The following SQSTM1 variants were observed in gnomAD, a reference collection of about 807,000 sequenced individuals.
The protein encoded by SQSTM1 is sequestosome-1.
A neutral mutation model predicts 45.1 loss-of-function variants in SQSTM1; 36 were observed. That is an observed-to-expected ratio of 0.80 (90% CI 0.61 to 1.05). The LOEUF is 1.05. SQSTM1 is among the 50% of genes least tolerant of loss of function. SQSTM1 has a pLI of 0.00. For missense variants in SQSTM1, 617 were observed against 607.1 expected (o/e 1.02, Z -0.17); for synonymous variants, 290 against 244.3 (o/e 1.19, Z -1.74).
In SQSTM1 at chr5:179,806,559, G is replaced by A. The variant is rs542286553; in HGVS notation, c.-189G>A. ...CACAGGCAGAAGAGCAGCAGCGTCA[G>A]GAAGGTGCCATTGCGGAGCCTCATC... is the stretch of plus-strand genomic sequence containing the variant. On this transcript the variant is annotated 5_prime_UTR_variant, in exon 1 of 6. Transcript: ENST00000514093. This position sits in a 1 kb window ranked among gnomAD's most constrained non-coding sequence, Gnocchi z 4.6. 8.4e-6 allele frequency: 11 copies of A among 1,312,582 alleles called. No homozygotes were observed. The highest frequency in any genetic ancestry group is 9.1e-5 in the East Asian group (2 of 21,932). 81.3% of individuals were successfully genotyped at this position (1,312,582 alleles called of 1,614,324 possible).
At chr5:179,813,536 C>G (rs1470833641) in intron 2 of SQSTM1, 6 of 152,050 alleles carry the variant, frequency 3.9e-5, no homozygotes, top group Admixed American at 6.6e-5. Flanking sequence ...ATTTGCCACA[C>G]AAAGCCAGGA....
Position 179,837,959 on chromosome 5 carries a change from TG to T in SQSTM1, c.*1369del, listed in dbSNP as rs1168745642. ...GCCCAGGAGGACCGCCTGCCCTGCC[TG>T]GGCCTTGGCTGGGCCTCTGGTTCTG... On this transcript the variant is annotated 3_prime_UTR_variant, in exon 8 of 8. Transcript: ENST00000389805. 6.9e-7 allele frequency: 1 copy of T among 1,440,160 alleles called. No homozygotes were observed. Among genetic ancestry groups the T allele is most frequent in the Non-Finnish European group, 9.4e-7 (1 of 1,064,450 alleles). 89.2% of individuals were successfully genotyped at this position (1,440,160 alleles called of 1,614,324 possible).
At chr5:179,834,159 G>GT (rs1284323817) in intron 7 of SQSTM1, among the ~76,000 whole-genome samples, 1 of 146,470 alleles carries the variant, frequency 6.8e-6, no homozygotes, top group Non-Finnish European at 1.5e-5. Flanking sequence ...GTCTGAGAGG[G>GT]GGGGGGGTCA....
upstream of SQSTM1, among the ~76,000 whole-genome samples, chr5:179,814,406 G>C (rs562301838): frequency 6.6e-6 from 1 of 152,218 alleles, no homozygotes; most frequent in Admixed American, 6.5e-5. Context: ...TGCTTCCGTC[G>C]GTTAACAGCA....
At chr5:179,821,494 G>A in intron 1 of SQSTM1, 1 of 527,834 alleles carries the variant, frequency 1.9e-6, no homozygotes, top group South Asian at 1.5e-5. Context: ...CTGGCTCTCC[G>A]CGGGCACTGG....
chr5:179,813,010 AAAG>A lies in SQSTM1; in HGVS notation c.-48+1331_-48+1333del, dbSNP rs1388443143. The A allele has an allele frequency of 3.4e-5, 5 of 145,470 alleles. No individual in the cohort carries two copies. In the South Asian group the frequency reaches 7.2e-4, roughly 21 times the overall value. 9.0% of individuals were successfully genotyped at this position (145,470 alleles called of 1,614,324 possible). The stretch of plus-strand genomic sequence containing the variant: ...TCCCCCCCCCCCCAAAAAAAAAAGA[AAAG>A]AAAAAGAAAAAAGCATGTTTCTAAC... On this transcript the variant is annotated intron_variant, in intron 2 of 5. Transcript: ENST00000514093.
chr5:179,823,040 A>G lies in SQSTM1; in HGVS notation c.288A>G (p.Arg96=). Reference sequence around the variant, plus strand: ...CCTACGTGAAGGATGACATCTTCCGAATCTACATTAAAGGTAAGGGGCTGC... The same window carrying G: ...CCTACGTGAAGGATGACATCTTCCGGATCTACATTAAAGGTAAGGGGCTGC... ...AMSYVKDDIF[R]IYIKEKKECR... is the part of the protein sequence containing the mutation. The change falls in exon 2 of 8, where the codon CGA becomes CGG. Residue 96 remains arginine (R), a synonymous_variant. Transcript: ENST00000389805. 1 of 1,614,052 alleles carries G rather than the reference A, an allele frequency of 6.2e-7. No individual in the cohort carries two copies. Among genetic ancestry groups the G allele is most frequent in the African/African-American group, 1.3e-5 (1 of 75,022 alleles).
upstream of SQSTM1, among the ~76,000 whole-genome samples, chr5:179,814,588 A>G (rs527274956): frequency 6.6e-6 from 1 of 152,340 alleles, no homozygotes; most frequent in Admixed American, 6.5e-5. Context: ...TACAGGCATA[A>G]CCATGTGGAA....
chr5:179,829,681 TA>T (rs888416777), intron 5 of SQSTM1, among the ~76,000 whole-genome samples: 17 of 152,226 alleles, frequency 1.1e-4, no homozygotes, highest in Non-Finnish European at 2.1e-4. Flanking sequence ...AAAATAGAGA[TA>T]GTTTTTTTAT....
At chr5:179,826,711 C>T (rs1758009280) in intron 5 of SQSTM1, among the ~76,000 whole-genome samples, 2 of 151,472 alleles carry the variant, frequency 1.3e-5, no homozygotes, top group South Asian at 2.1e-4. Context: ...AGCGATTCTC[C>T]TGCCTCAGCC....
chr5:179,818,951 G>C (rs1562645757), upstream of SQSTM1: 2 of 152,768 alleles, frequency 1.3e-5, no homozygotes, highest in East Asian at 1.9e-4. Context: ...AAGGGGGAGA[G>C]TGTCTGTCTG....
chr5:179,834,861 C>CT (rs1319285905), intron 7 of SQSTM1, among the ~76,000 whole-genome samples: 1 of 152,244 alleles, frequency 6.6e-6, no homozygotes. Context: ...CCTTTCCCCG[C>CT]TTTCTATTCC....
At chr5:179,821,697 C>T (rs994419838) in intron 1 of SQSTM1, 8 of 363,856 alleles carry the variant, frequency 2.2e-5, no homozygotes, top group African/African-American at 6.7e-5. Context: ...CGGCGGAACG[C>T]TCCGAGCCAG....
At chr5:179,815,594 A>C (rs1480318183), upstream of SQSTM1, among the ~76,000 whole-genome samples, 1 of 152,090 alleles carries the variant, frequency 6.6e-6, no homozygotes, top group Non-Finnish European at 1.5e-5. Context: ...TCTGCTCAGG[A>C]TTCCCCCCTC....
chr5:179,824,688 G>A (rs1193753580), intron 4 of SQSTM1, among the ~76,000 whole-genome samples: 3 of 152,200 alleles, frequency 2.0e-5, no homozygotes, highest in Non-Finnish European at 4.4e-5. Context: ...CAAAGTTGCT[G>A]AAGTCCTTTG....
chr5:179,831,428 A>G lies in SQSTM1; in HGVS notation c.755-1604A>G, dbSNP rs187994714. On this transcript the variant is annotated intron_variant, in intron 5 of 7. Coordinates refer to ENST00000389805, the MANE Select transcript of SQSTM1 (RefSeq NM_003900.5). ...TGTAATCCAAGCACTTTGGGAGGCC[A>G]AGGCAGGCAGATCACCTGAGGTCAG... Among the ~76,000 whole-genome samples the G allele has an allele frequency of 3.8e-3, 573 of 152,296 alleles. 4 individuals carry two copies. Among genetic ancestry groups the G allele is most frequent in the African/African-American group, 0.012 (508 of 41,574 alleles).
rs1203839185 is a variant in SQSTM1, at chr5:179,823,167, C to T, written c.301+114C>T. The T allele has an allele frequency of 3.0e-6, 3 of 986,150 alleles. No homozygotes were observed. The East Asian group carries it at 7.8e-5, about 26-fold the overall frequency. The allele number at this position is 986,150 out of a possible 1,614,324, so 61.1% of individuals were successfully genotyped here. On this transcript the variant is annotated intron_variant, in intron 2 of 7. Transcript: ENST00000389805. The stretch of plus-strand genomic sequence containing the variant: ...AATGAAGGGGTCAGCAATTTGAGGG[C>T]TGTTTAAGACAGAGACATAGGCCAG...
rs1311449445 is a variant in SQSTM1 at position 179,806,526 on chromosome 5, G to A, written c.-222G>A. On this transcript the variant is annotated 5_prime_UTR_variant, in exon 1 of 6. Transcript: ENST00000514093. This position sits in a 1 kb window ranked among gnomAD's most constrained non-coding sequence, Gnocchi z 4.6. ...AGTGCCGCGTACCAGGACAGCGAGA[G>A]GAAGGCGCACAGGCAGAAGAGCAGC... 12 of 1,339,912 alleles carry A rather than the reference G, an allele frequency of 9.0e-6. No individual in the cohort carries two copies. Among genetic ancestry groups the A allele is most frequent in the African/African-American group, 1.6e-5 (1 of 64,380 alleles). 83.0% of individuals were successfully genotyped at this position (1,339,912 alleles called of 1,614,324 possible).
At chr5:179,808,107 T>G (rs1365711429) in intron 1 of SQSTM1, 1 of 152,306 alleles carries the variant, frequency 6.6e-6, no homozygotes, top group Non-Finnish European at 1.5e-5. Flanking sequence ...GCCCGGTTCC[T>G]GGTGGAGGCT....
Sources: gnomAD v4.1 joint callset for allele counts (sites outside exome capture counted in the v4.1 genomes callset) on GRCh38, gnomAD v4.1.1 for gene constraint, Gnocchi (gnomAD v3.1) non-coding constraint, MANE v1.5 for transcripts, NCBI Gene and HGNC (gene_info 2026-07-23, HGNC 2026-07-21) for gene names.